The following IL1RAPL2 variants were observed in gnomAD, a reference collection of about 807,000 sequenced individuals.
IL1RAPL2 encodes interleukin 1 receptor accessory protein like 2.
IL1RAPL2 carries 3 observed loss-of-function variants against 44.1 expected under a neutral mutation model. The observed-to-expected ratio is 0.07, with a 90% CI of 0.03 to 0.18. IL1RAPL2 has a LOEUF of 0.18. IL1RAPL2 is among the 10% of genes least tolerant of loss of function. The probability of loss-of-function intolerance (pLI) is 1.00; values close to 1 mark genes in which losing one functional copy is unlikely to be tolerated. For synonymous variants in IL1RAPL2, 181 were observed against 178.8 expected, an observed-to-expected ratio of 1.01 and a Z score of -0.10; for missense variants, 391 against 496.4, an observed-to-expected ratio of 0.79 and a Z score of 2.02.
At chrX:105,002,691 C>T (rs1362063386) in intron 2 of IL1RAPL2, among the ~76,000 whole-genome samples, 1 of 108,454 alleles carries the variant, frequency 9.2e-6, no homozygotes, top group African/African-American at 3.4e-5. Context: ...CCCTAATATA[C>T]CCCCACATAC....
rs373505796 is a variant in IL1RAPL2, at chrX:104,908,361, T to G, written c.82+249366T>G. Among the ~76,000 whole-genome samples, 17 of 111,576 alleles carry G rather than the reference T, an allele frequency of 1.5e-4. No homozygotes were observed. In the East Asian group the frequency reaches 3.7e-3, roughly 24 times the overall value. On this transcript the variant is annotated intron_variant, in intron 2 of 10. Transcript: ENST00000372582. ...TCCTGTCATTATGATGTTAGCTGGT[T>G]ATTTTGCTCGTTAGTTGATGCAGTT...
chrX:105,216,388 G>A (rs1556166012), intron 3 of IL1RAPL2, among the ~76,000 whole-genome samples: 1 of 110,242 alleles, frequency 9.1e-6, no homozygotes, highest in Non-Finnish European at 1.9e-5. Flanking sequence ...AAATACCTAG[G>A]AATACAACTT....
At chrX:105,340,922 C>A (rs2147699276) in intron 5 of IL1RAPL2, among the ~76,000 whole-genome samples, 1 of 112,342 alleles carries the variant, frequency 8.9e-6, no homozygotes, top group African/African-American at 3.2e-5. Context: ...CACACATTCC[C>A]AGTGTCTCAA....
At chrX:104,874,279 C>CCTCTCCCTCT (rs747491911) in intron 2 of IL1RAPL2, among the ~76,000 whole-genome samples, 1 of 76,321 alleles carries the variant, frequency 1.3e-5, no homozygotes, top group Non-Finnish European at 2.5e-5. Context: ...TGTCTGTATT[C>CCTCTCCCTCT]CTCTCTCTCT....
chrX:104,578,164 AG>A (rs1928277718), intron 1 of IL1RAPL2, among the ~76,000 whole-genome samples: 1 of 112,150 alleles, frequency 8.9e-6, no homozygotes, highest in East Asian at 2.8e-4. Context: ...CTTCACTAAA[AG>A]TAATCAGAGT....
chrX:104,808,355 TGG>T (rs1932939043), intron 2 of IL1RAPL2, among the ~76,000 whole-genome samples: 1 of 111,579 alleles, frequency 9.0e-6, no homozygotes, highest in Non-Finnish European at 1.9e-5. Flanking sequence ...ATTTCATAAA[TGG>T]GGACACTAAA....
chrX:105,140,552 GAGATTAC>G (rs1450607113), intron 2 of IL1RAPL2, among the ~76,000 whole-genome samples: 2 of 112,258 alleles, frequency 1.8e-5, no homozygotes, highest in Non-Finnish European at 3.8e-5. Context: ...ATCAGCCGCT[GAGATTAC>G]ATTTTCTGTT....
intron 2 of IL1RAPL2, among the ~76,000 whole-genome samples, chrX:104,719,313 A>T (rs191076586): frequency 1.4e-3 from 153 of 112,071 alleles, no homozygotes; most frequent in African/African-American, 4.8e-3. Flanking sequence ...AAGTTCTGAA[A>T]TAGTCTTTAT....
intron 5 of IL1RAPL2, among the ~76,000 whole-genome samples, chrX:105,381,075 C>T (rs2035426449): frequency 9.0e-6 from 1 of 110,893 alleles, no homozygotes; most frequent in Non-Finnish European, 1.9e-5. Context: ...AAGTCCCTAC[C>T]CCCATAGAGC....
intron 2 of IL1RAPL2, among the ~76,000 whole-genome samples, chrX:104,845,312 T>C (rs1485981081): frequency 8.9e-6 from 1 of 112,415 alleles, no homozygotes; most frequent in Non-Finnish European, 1.9e-5. Context: ...GAAGCAGTTA[T>C]AACCATTCCC....
At chrX:105,400,090 G>A (rs946026186) in intron 5 of IL1RAPL2, among the ~76,000 whole-genome samples, 3 of 111,653 alleles carry the variant, frequency 2.7e-5, no homozygotes, top group African/African-American at 9.7e-5. Context: ...GCTAAATCGT[G>A]TATTACCTTA....
chrX:104,769,355 G>A (rs1057043303), intron 2 of IL1RAPL2, among the ~76,000 whole-genome samples: 1 of 111,308 alleles, frequency 9.0e-6, no homozygotes, highest in African/African-American at 3.3e-5. Context: ...TATATGTATG[G>A]GCTAAAAGAA....
intron 2 of IL1RAPL2, among the ~76,000 whole-genome samples, chrX:105,190,990 C>T (rs2033628152): frequency 8.9e-6 from 1 of 111,780 alleles, no homozygotes; most frequent in African/African-American, 3.3e-5. Context: ...AATTTTTACT[C>T]CTAGGAATCT....
At chrX:105,636,744 G>GAATGT (rs2037526588) in intron 6 of IL1RAPL2, among the ~76,000 whole-genome samples, 1 of 111,869 alleles carries the variant, frequency 8.9e-6, no homozygotes, top group South Asian at 3.7e-4. Context: ...CTGTGATTGA[G>GAATGT]GTAAAAACCA....
chrX:104,956,198 A>G (rs1925706021), intron 2 of IL1RAPL2, among the ~76,000 whole-genome samples: 1 of 112,083 alleles, frequency 8.9e-6, no homozygotes, highest in Non-Finnish European at 1.9e-5. Flanking sequence ...CTTGGCAGAT[A>G]AAGGGCATCC....
At chrX:104,983,718 AT>A in intron 2 of IL1RAPL2, among the ~76,000 whole-genome samples, 1 of 101,639 alleles carries the variant, frequency 9.8e-6, no homozygotes, top group African/African-American at 3.5e-5. Flanking sequence ...ATAATATTGT[AT>A]ACATAATATT....
chrX:105,686,300 A>T (rs1451648280), intron 6 of IL1RAPL2, among the ~76,000 whole-genome samples: 1 of 103,819 alleles, frequency 9.6e-6, no homozygotes, highest in Non-Finnish European at 2.0e-5. Context: ...TGCTGTATTC[A>T]GGAGACCCAT....
intron 5 of IL1RAPL2, among the ~76,000 whole-genome samples, chrX:105,474,451 A>G (rs1409111365): frequency 8.9e-6 from 1 of 111,886 alleles, no homozygotes; most frequent in African/African-American, 3.2e-5. Flanking sequence ...AAAAGTTAAA[A>G]CAGTCAATTA....
chrX:105,485,957 CT>C (rs1277828012), intron 6 of IL1RAPL2, among the ~76,000 whole-genome samples: 2 of 111,839 alleles, frequency 1.8e-5, no homozygotes, highest in Non-Finnish European at 3.8e-5. Context: ...GATTTCCTTT[CT>C]TTTGGGTATA....
Sources: gnomAD v4.1 joint callset for allele counts (sites outside exome capture counted in the v4.1 genomes callset) on GRCh38, gnomAD v4.1.1 for gene constraint, MANE v1.5 for transcripts, NCBI Gene and HGNC (gene_info 2026-07-23, HGNC 2026-07-21) for gene names.